Variants in NOSTRIN observed in about 807,000 individuals in gnomAD.
The protein encoded by NOSTRIN is BM247 homolog.
In NOSTRIN, 63 loss-of-function variants were observed where a neutral mutation model predicts 59.0. The ratio of observed to expected loss-of-function variants is 1.07; its 90% CI spans 0.87 to 1.32. The LOEUF (loss-of-function observed/expected upper bound fraction) is 1.32. Ranked by LOEUF, NOSTRIN falls within the 40% of genes most tolerant of loss-of-function variation. The pLI is 0.00. For missense variants in NOSTRIN, 512 were observed against 473.1 expected, an observed-to-expected ratio of 1.08 and a Z score of -0.76; for synonymous variants, 200 against 165.4, an observed-to-expected ratio of 1.21 and a Z score of -1.61.
intron 7 of NOSTRIN, 122 bp downstream of exon 7, chr2:168,834,447 A>G: frequency 1.6e-6 from 1 of 627,406 alleles, no homozygotes; most frequent in Non-Finnish European, 2.9e-6. Flanking sequence ...GCAGAGATGT[A>G]GCTTGACAGA....
chr2:168,801,486 G>A (rs748995380), upstream of NOSTRIN, among the ~76,000 whole-genome samples: 1 of 152,108 alleles, frequency 6.6e-6, no homozygotes, highest in Admixed American at 6.6e-5. Flanking sequence ...GCCTCCCAAA[G>A]TGCTTGGATT....
intron 2 of NOSTRIN, among the ~76,000 whole-genome samples, chr2:168,813,885 A>G (rs1324296947): frequency 6.6e-6 from 1 of 152,200 alleles, no homozygotes; most frequent in Non-Finnish European, 1.5e-5. Flanking sequence ...AACTTTTACA[A>G]TTAAATTATT....
At chr2:168,799,180 G>C (rs1381689283), upstream of NOSTRIN, among the ~76,000 whole-genome samples, 1 of 152,148 alleles carries the variant, frequency 6.6e-6, no homozygotes, top group Non-Finnish European at 1.5e-5. Context: ...GCTAACCAGA[G>C]CGTATACTCA....
At chr2:168,862,158 C>A in intron 15 of NOSTRIN, 109 bp downstream of exon 15, 1 of 888,730 alleles carries the variant, frequency 1.1e-6, no homozygotes. Context: ...CATGTCAAAT[C>A]AGTTCACCCT....
chr2:168,835,436 T>C (rs1217614157), intron 7 of NOSTRIN, among the ~76,000 whole-genome samples: 2 of 152,186 alleles, frequency 1.3e-5, no homozygotes, highest in Non-Finnish European at 2.9e-5. Context: ...CATTTCAGTG[T>C]TTGCCCTTTC....
At chr2:168,864,112 C>T (rs529112226) in intron 15 of NOSTRIN, among the ~76,000 whole-genome samples, 2 of 151,964 alleles carry the variant, frequency 1.3e-5, no homozygotes, top group African/African-American at 2.4e-5. Context: ...GGACTACAGG[C>T]GTGTGCCACC....
intron 7 of NOSTRIN, among the ~76,000 whole-genome samples, chr2:168,835,643 C>T (rs1472825043): frequency 6.6e-6 from 1 of 152,116 alleles, no homozygotes; most frequent in Non-Finnish European, 1.5e-5. Flanking sequence ...TCACATGGCC[C>T]AGGTATATGT....
rs759752542 is a variant in NOSTRIN at position 168,851,164 on chromosome 2, T to C, written c.711T>C (p.Phe237=). The C allele has an allele frequency of 1.2e-6, 2 of 1,613,970 alleles. No individual in the cohort carries two copies. Among genetic ancestry groups the C allele is most frequent in the South Asian group, 2.2e-5 (2 of 91,076 alleles). The part of the protein sequence containing the change: ...LNQYSQHISL[F]GQTLTTCHTQ... ...AGTACAGCCAACATATTTCTCTTTTTGGCCAAACCCTGACCACAGTGAGTA... is the reference window on the plus strand; with the variant it reads ...AGTACAGCCAACATATTTCTCTTTTCGGCCAAACCCTGACCACAGTGAGTA... The change falls in exon 9 of 16, where the codon TTT becomes TTC. Residue 237 remains phenylalanine (F), a synonymous_variant. Coordinates refer to ENST00000317647, the MANE Select transcript of NOSTRIN (RefSeq NM_001039724.4).
chr2:168,837,046 C>T (rs1214827227), intron 7 of NOSTRIN, among the ~76,000 whole-genome samples: 4 of 152,098 alleles, frequency 2.6e-5, no homozygotes, highest in African/African-American at 7.2e-5. Context: ...TGCATTCTCA[C>T]GTGGTGGAAA....
At chr2:168,808,734 G>A (rs1031398232) in intron 1 of NOSTRIN, among the ~76,000 whole-genome samples, 1 of 152,088 alleles carries the variant, frequency 6.6e-6, no homozygotes, top group African/African-American at 2.4e-5. Flanking sequence ...AACTTACTAT[G>A]TCCTTGGATA....
At chr2:168,845,790 C>CTTCTTTTTTTTTTTTTTTTTT (rs36186706) in intron 8 of NOSTRIN, among the ~76,000 whole-genome samples, 1 of 140,630 alleles carries the variant, frequency 7.1e-6, no homozygotes. Context: ...TTTTTTCTTC[C>CTTCTTTTTTTTTTTTTTTTTT]TTTTTTTTTT....
chr2:168,787,223 G>T (rs1392958926), intron 1 of NOSTRIN, among the ~76,000 whole-genome samples: 2 of 152,130 alleles, frequency 1.3e-5, no homozygotes, highest in Non-Finnish European at 2.9e-5. Context: ...GTGAAGCAGT[G>T]AGGCAGCCTC....
At chr2:168,860,602 T>G (rs1471458895) in intron 13 of NOSTRIN, among the ~76,000 whole-genome samples, 193 bp from the exon 14 acceptor site, 23 of 147,532 alleles carry the variant, frequency 1.6e-4, no homozygotes, top group Non-Finnish European at 2.7e-4. Context: ...ACCCGGGAGG[T>G]GGAGGTTGTA....
intron 7 of NOSTRIN, 134 bp downstream of exon 7, chr2:168,834,459 C>A: frequency 3.0e-5 from 15 of 497,462 alleles, no homozygotes; most frequent in East Asian, 7.3e-5. Flanking sequence ...CTTGACAGAG[C>A]ATAAAAGGGG....
Position 168,831,645 on chromosome 2 carries a change from T to C in NOSTRIN, c.405+111T>C, listed in dbSNP as rs74417284. On this transcript the variant is annotated intron_variant, in intron 6 of 15. Coordinates refer to ENST00000317647, the MANE Select transcript of NOSTRIN (RefSeq NM_001039724.4). ...AGCATTAGTACTTCTAAGTGCTAAC[T>C]GAAGAGAAAAATGTTTCCTTACCTG... is the stretch of plus-strand genomic sequence containing the variant. 2.6e-3 allele frequency: 1,742 copies of C among 671,682 alleles called. 25 individuals carry two copies. The African/African-American group carries it at 0.027, about 10-fold the overall frequency. 41.6% of individuals were successfully genotyped at this position (671,682 alleles called of 1,614,324 possible). A position where few individuals can be genotyped will look rare whatever the true frequency, so the allele number is the denominator to read the frequency against.
chr2:168,797,332 A>G (rs1685511288), upstream of NOSTRIN, among the ~76,000 whole-genome samples: 1 of 151,978 alleles, frequency 6.6e-6, no homozygotes, highest in African/African-American at 2.4e-5. Flanking sequence ...CCTGGGCTCA[A>G]GCAACCCTTC....
intron 1 of NOSTRIN, among the ~76,000 whole-genome samples, chr2:168,803,023 CAG>C (rs1293258798): frequency 2.0e-5 from 3 of 152,144 alleles, no homozygotes; most frequent in Non-Finnish European, 4.4e-5. Flanking sequence ...CAAAAACACA[CAG>C]AATGTCTGCA....
chr2:168,834,511 A>ACG (rs1687592436), intron 7 of NOSTRIN, among the ~76,000 whole-genome samples, 186 bp downstream of exon 7: 14 of 129,492 alleles, frequency 1.1e-4, no homozygotes, highest in Admixed American at 3.9e-4. Flanking sequence ...GCGCGCGCAC[A>ACG]CACACACACA....
At chr2:168,845,257 A>G (rs1303878662) in intron 8 of NOSTRIN, among the ~76,000 whole-genome samples, 1 of 152,104 alleles carries the variant, frequency 6.6e-6, no homozygotes, top group East Asian at 1.9e-4. Context: ...GCCTCACCTC[A>G]CCTCATCACT....
Sources: allele counts gnomAD v4.1 joint callset (sites outside exome capture counted in the v4.1 genomes callset), GRCh38; gene constraint gnomAD v4.1.1; transcripts MANE v1.5; gene names NCBI Gene and HGNC (gene_info 2026-07-23, HGNC 2026-07-21).